SLC12A7: variants seen among roughly 807,000 people sequenced by gnomAD.
SLC12A7 encodes K-Cl cotransporter 4.
A neutral mutation model predicts 120.6 loss-of-function variants in SLC12A7; 100 were observed. The observed-to-expected ratio is 0.83, with a 90% confidence interval of 0.71 to 0.98. SLC12A7 has a LOEUF of 0.98. SLC12A7 is among the 50% of genes least tolerant of loss of function. The pLI is 0.00. For missense variants in SLC12A7, 1,373 were observed against 1,548.1 expected (o/e 0.89, Z 1.90); for synonymous variants, 760 against 678.0 (o/e 1.12, Z -1.88).
At chr5:1,126,936 G>A in the SLC12A7 span, among the ~76,000 whole-genome samples, 1 of 152,208 alleles carries the variant, frequency 6.6e-6, no homozygotes, top group Non-Finnish European at 1.5e-5. Context: ...GTCCTGACTG[G>A]GAGGTGGCTC....
chr5:1,083,930 A>G lies in SLC12A7; in HGVS notation c.944T>C (p.Leu315Pro). 1 of 1,604,650 alleles carries G rather than the reference A, an allele frequency of 6.2e-7. No homozygotes were observed. The highest frequency in any genetic ancestry group is 8.5e-7 in the Non-Finnish European group (1 of 1,179,704). ...IPVCLLGNRT[L>P]SRRSFDACVK... ...GCAGGCATCGAAGCTGCGCCGTGACAGCGTGCGGTTCCCCAGGAGGCAGAC... is the reference window on the plus strand; with the variant it reads ...GCAGGCATCGAAGCTGCGCCGTGACGGCGTGCGGTTCCCCAGGAGGCAGAC... The change falls in exon 8 of 24, where the codon CTG (leucine) becomes CCG (proline). Residue 315 changes from leucine (L) to proline (P), a missense_variant. Transcript: ENST00000264930.
chr5:1,114,421 G>A (rs1743232170), upstream of SLC12A7, among the ~76,000 whole-genome samples: 1 of 152,172 alleles, frequency 6.6e-6, no homozygotes, highest in South Asian at 2.1e-4. Context: ...CCCAGAAGCC[G>A]CTGCAGGCCC....
In SLC12A7 at chr5:1,078,811, C is replaced by CGGGG. The variant is rs1258128576; in HGVS notation, c.1397-57_1397-54dup. On this transcript the variant is annotated intron_variant, in intron 10 of 23. Coordinates refer to ENST00000264930, the MANE Select transcript of SLC12A7 (RefSeq NM_006598.3). ...TCCGTGGGTGCAGGGTCCTCAGGTACGGGGGGTGGGGTGGGGTGGGGTGGG... is the reference window on the plus strand; with the variant it reads ...TCCGTGGGTGCAGGGTCCTCAGGTACGGGGGGGGGGTGGGGTGGGGTGGGGTGGG... 4.5e-5 allele frequency: 6 copies of CGGGG among 132,298 alleles called. No homozygotes were observed. The African/African-American group carries it at 9.0e-4, about 20-fold the overall frequency. 8.2% of individuals were successfully genotyped at this position (132,298 alleles called of 1,614,324 possible).
chr5:1,082,027 T>C (rs62331209), intron 8 of SLC12A7, among the ~76,000 whole-genome samples: 12 of 103,648 alleles, frequency 1.2e-4, no homozygotes, highest in African/African-American at 3.3e-4. Context: ...TTCTGGAAAG[T>C]CCAGGCTTCC....
rs1303826511 is a variant in SLC12A7, at chr5:1,078,726, T to G, written c.1429A>C (p.Ile477Leu). ...TTATCTCGTAAGACCACGCCTTCAA[T>G]GCAGGCCCCAAACAGCACAATGCAG... Reference protein sequence around the residue: ...LSCIVLFGACIEGVVLRDKFG... With the variant: ...LSCIVLFGACLEGVVLRDKFG... The change falls in exon 11 of 24, where the codon ATT becomes CTT. Residue 477 changes from isoleucine to leucine, a missense_variant. Ile to Leu is a conservative substitution (Grantham distance 5, BLOSUM62 2). Transcript: ENST00000264930. 2.5e-6 allele frequency: 4 copies of G among 1,612,170 alleles called. No homozygotes were observed. Among genetic ancestry groups the G allele is most frequent in the Admixed American group, 1.7e-5 (1 of 59,892 alleles).
At chr5:1,117,211 G>T in the SLC12A7 span, among the ~76,000 whole-genome samples, 7 of 152,238 alleles carry the variant, frequency 4.6e-5, no homozygotes, top group Middle Eastern at 3.4e-3. The surrounding 1 kb of genome is among the most constrained non-coding windows in gnomAD (Gnocchi z 4.5). Context: ...CTGCGGGGGT[G>T]GGGGTGCAGC....
chr5:1,097,324 G>A (rs546497262), intron 1 of SLC12A7, among the ~76,000 whole-genome samples: 108 of 152,240 alleles, frequency 7.1e-4, no homozygotes, highest in African/African-American at 2.5e-3. Context: ...AGCAACCCCT[G>A]CTCACCGCAG....
At chr5:1,056,616 A>C in intron 22 of SLC12A7, 2 of 983,824 alleles carry the variant, frequency 2.0e-6, no homozygotes, top group Non-Finnish European at 2.4e-6. Context: ...AGAAAAAAAC[A>C]AGAGTGTGTT....
At chr5:1,137,848 C>G in the SLC12A7 span, among the ~76,000 whole-genome samples, 6 of 152,220 alleles carry the variant, frequency 3.9e-5, no homozygotes, top group Admixed American at 6.5e-5. Flanking sequence ...ACCAGCTCCC[C>G]GGGGCCTGGC....
intron 17 of SLC12A7, among the ~76,000 whole-genome samples, chr5:1,067,316 G>T (rs772978326): frequency 1.3e-5 from 2 of 152,252 alleles, no homozygotes. Context: ...GGCTGGAGGC[G>T]GACGCTGCGG....
intron 9 of SLC12A7, 45 bp downstream of exon 9, chr5:1,081,532 G>GCTC: frequency 6.4e-7 from 1 of 1,573,600 alleles, no homozygotes; most frequent in Non-Finnish European, 8.7e-7. Flanking sequence ...AAAAAAGAGA[G>GCTC]GGAGAGAAAG....
In SLC12A7 at chr5:1,094,300, CACAGAAGGCCAACT is replaced by C. The variant is rs748773036; in HGVS notation, c.125-66_125-53del. The C allele has an allele frequency of 1.8e-5, 24 of 1,327,426 alleles. No individual in the cohort carries two copies. The South Asian group carries it at 2.6e-4, about 14-fold the overall frequency. The allele number at this position is 1,327,426 out of a possible 1,614,324, so 82.2% of individuals were successfully genotyped here. ...CAGCTTAGAAGGAACTAAAAGCAAG[CACAGAAGGCCAACT>C]ACAGATCTTGCACGGAGGGCTCTGG... is the stretch of plus-strand genomic sequence containing the variant. On this transcript the variant is annotated intron_variant, in intron 1 of 23. Transcript: ENST00000264930.
At position 1,079,017 on chromosome 5, in the gene SLC12A7, T is replaced by G. The variant is rs560790912; in HGVS notation, c.1397-259A>C. ...GTGGACACACACCTGGCCTGGTGCT[T>G]GACCGCCAGGGATTGGCAGGGGACC... On this transcript the variant is annotated intron_variant, in intron 10 of 23. Coordinates refer to ENST00000264930, the MANE Select transcript of SLC12A7 (RefSeq NM_006598.3). Among the ~76,000 whole-genome samples, 5 of 152,222 alleles carry G rather than the reference T, an allele frequency of 3.3e-5. No individual in the cohort carries two copies. In the South Asian group the frequency reaches 1.0e-3, roughly 32 times the overall value.
chr5:1,081,081 CAGAG>C (rs1739040859), intron 9 of SLC12A7, among the ~76,000 whole-genome samples: 1 of 72,044 alleles, frequency 1.4e-5, no homozygotes, highest in African/African-American at 3.5e-5. Context: ...GAGAGACAGA[CAGAG>C]AGAGAGGGAA....
rs767341263 is a variant in SLC12A7, at chr5:1,093,515, CG to C, written c.342+17del. ...ACACGGGGCGGGGACTGGGCGGGCA[CG>C]GGCAGGGTGGCAGTACCTTGGCCTC... is the stretch of plus-strand genomic sequence containing the variant. On this transcript the variant is annotated intron_variant, in intron 3 of 23. Transcript: ENST00000264930. 3.8e-6 allele frequency: 6 copies of C among 1,585,310 alleles called. No homozygotes were observed. In the African/African-American group the frequency reaches 5.4e-5, roughly 14 times the overall value.
intron 3 of SLC12A7, among the ~76,000 whole-genome samples, chr5:1,091,515 A>G (rs1243926639): frequency 1.3e-5 from 2 of 152,220 alleles, no homozygotes; most frequent in Non-Finnish European, 2.9e-5. Flanking sequence ...ACTCCAGCAC[A>G]CAGGCGGACA....
intron 17 of SLC12A7, among the ~76,000 whole-genome samples, chr5:1,067,337 G>A (rs539111118): frequency 6.6e-6 from 1 of 152,264 alleles, no homozygotes; most frequent in Admixed American, 6.5e-5. Context: ...GGTGGACACA[G>A]CCGTCTCTGG....
chr5:1,073,873 G>T (rs1371434264), intron 16 of SLC12A7, 72 bp from the exon 17 acceptor site: 3 of 1,308,200 alleles, frequency 2.3e-6, no homozygotes, highest in African/African-American at 3.0e-5. Context: ...AGGCAGGGCA[G>T]ATGGGACGGG....
At chr5:1,149,124 C>T in the SLC12A7 span, among the ~76,000 whole-genome samples, 1 of 113,356 alleles carries the variant, frequency 8.8e-6, no homozygotes, top group Non-Finnish European at 1.9e-5. Flanking sequence ...ACTGTGGATC[C>T]TACGATGCCG....
Sources: gnomAD v4.1 joint callset for allele counts (sites outside exome capture counted in the v4.1 genomes callset) on GRCh38, gnomAD v4.1.1 for gene constraint, Gnocchi (gnomAD v3.1) non-coding constraint, MANE v1.5 for transcripts, NCBI Gene and HGNC (gene_info 2026-07-23, HGNC 2026-07-21) for gene names.